Variants in AKAP6 observed in about 807,000 individuals in gnomAD.
AKAP6 encodes A-kinase anchoring protein 6.
A neutral mutation model predicts 188.5 loss-of-function variants in AKAP6; 58 were observed. The ratio of observed to expected loss-of-function variants is 0.31; its 90% CI spans 0.25 to 0.38. The LOEUF (loss-of-function observed/expected upper bound fraction) is 0.38, where lower values mean the gene tolerates loss of function less well. Ranked by LOEUF, AKAP6 falls within the 10% of genes least tolerant of loss-of-function variation. The pLI, the probability that AKAP6 is intolerant of heterozygous loss-of-function variation, is 1.00. For synonymous variants in AKAP6, 989 were observed against 998.6 expected, an observed-to-expected ratio of 0.99 and a Z score of 0.18; for missense variants, 2,710 against 2,740.0, an observed-to-expected ratio of 0.99 and a Z score of 0.24.
chr14:32,813,874 A>ATTTTT (rs71115099), intron 12 of AKAP6, among the ~76,000 whole-genome samples: 18 of 142,638 alleles, frequency 1.3e-4, no homozygotes, highest in African/African-American at 4.2e-4. Context: ...AAGTGATAGG[A>ATTTTT]TTTTTTTTTT....
chr14:32,786,296 A>ATGTTTTTTTTT, intron 12 of AKAP6, among the ~76,000 whole-genome samples: 1,372 of 93,566 alleles, frequency 0.015, 313 homozygotes, highest in Admixed American at 0.021. Context: ...CTAAACCTTT[A>ATGTTTTTTTTT]TCTTTTTTTT....
intron 11 of AKAP6, among the ~76,000 whole-genome samples, chr14:32,760,358 CA>C (rs2032495943): frequency 6.6e-6 from 1 of 152,088 alleles, no homozygotes; most frequent in Non-Finnish European, 1.5e-5. Flanking sequence ...TATTTGATCC[CA>C]GAAGATGTTA....
chr14:32,787,352 A>T (rs991193645), intron 12 of AKAP6, among the ~76,000 whole-genome samples: 4 of 152,208 alleles, frequency 2.6e-5, no homozygotes, highest in African/African-American at 9.7e-5. Flanking sequence ...AATTCTCTAG[A>T]TTGTGACCTC....
At chr14:32,654,215 C>G (rs1351385463) in intron 7 of AKAP6, among the ~76,000 whole-genome samples, 1 of 152,030 alleles carries the variant, frequency 6.6e-6, no homozygotes, top group African/African-American at 2.4e-5. Context: ...TTGCAACTGG[C>G]TGGGGGAGCT....
Position 32,824,429 on chromosome 14 carries a change from G to A in AKAP6, c.6616G>A (p.Asp2206Asn), listed in dbSNP as rs2034622859. 1 of 1,613,920 alleles carries A rather than the reference G, an allele frequency of 6.2e-7. No homozygotes were observed. The highest frequency in any genetic ancestry group is 8.5e-7 in the Non-Finnish European group (1 of 1,179,956). ...SEFSDSSLSA[D>N]DADTVALSSP... is the part of the protein sequence containing the mutation. ...GTTCAGTGATAGTTCTCTTTCAGCTGATGATGCAGATACAGTGGCTCTTTC... is the reference window on the plus strand; with the variant it reads ...GTTCAGTGATAGTTCTCTTTCAGCTAATGATGCAGATACAGTGGCTCTTTC... Residue 2206 changes from aspartate to asparagine, a missense_variant, in exon 13 of 14, where the codon GAT becomes AAT. Asp to Asn is a conservative substitution (Grantham distance 23, BLOSUM62 1). Around this residue, in one of 2 missense-constraint regions of AKAP6, gnomAD observed 2,473 missense variants for 2,426.1 expected, o/e 1.02. Coordinates refer to ENST00000280979, the MANE Select transcript of AKAP6 (RefSeq NM_004274.5).
chr14:32,422,410 C>G (rs1358644106), intron 1 of AKAP6, among the ~76,000 whole-genome samples: 4 of 152,250 alleles, frequency 2.6e-5, no homozygotes, highest in South Asian at 4.1e-4. Context: ...CAAAAGGATA[C>G]AAATAAGAGC....
At chr14:32,589,286 C>T (rs1885379072) in intron 5 of AKAP6, among the ~76,000 whole-genome samples, 1 of 152,192 alleles carries the variant, frequency 6.6e-6, no homozygotes, top group South Asian at 2.1e-4. Context: ...CCTTGATTCC[C>T]ACCAGTTTAA....
At chr14:32,732,639 C>T in intron 10 of AKAP6, 39 bp downstream of exon 10, 1 of 1,606,868 alleles carries the variant, frequency 6.2e-7, no homozygotes, top group Non-Finnish European at 8.5e-7. Flanking sequence ...GTTATGTGTA[C>T]ATTTTTTGCG....
At position 32,517,106 on chromosome 14, in the gene AKAP6, A is replaced by G. The variant is rs553505032; in HGVS notation, c.325-18448A>G. On this transcript the variant is annotated intron_variant, in intron 2 of 13. Coordinates refer to ENST00000280979, the MANE Select transcript of AKAP6 (RefSeq NM_004274.5). Reference sequence around the variant, plus strand: ...GTATGCAATGATATCAAGTAAGACGACCAGTTGGTTACCTTCTGAATATGA... The same window carrying G: ...GTATGCAATGATATCAAGTAAGACGGCCAGTTGGTTACCTTCTGAATATGA... Among the ~76,000 whole-genome samples the G allele has an allele frequency of 6.6e-5, 10 of 152,346 alleles. No homozygotes were observed. The South Asian group carries it at 1.9e-3, about 28-fold the overall frequency.
intron 4 of AKAP6, among the ~76,000 whole-genome samples, chr14:32,574,941 C>T (rs1884653281): frequency 6.6e-6 from 1 of 152,104 alleles, no homozygotes; most frequent in Non-Finnish European, 1.5e-5. Context: ...TTCTAACAGA[C>T]TCTGCCCTTA....
At chr14:32,540,498 C>T (rs1211823493) in intron 3 of AKAP6, among the ~76,000 whole-genome samples, 1 of 152,056 alleles carries the variant, frequency 6.6e-6, no homozygotes, top group Non-Finnish European at 1.5e-5. Flanking sequence ...TGCGCCTGGC[C>T]TGCTTCATAA....
intron 4 of AKAP6, among the ~76,000 whole-genome samples, chr14:32,561,362 G>A (rs1231199865): frequency 6.6e-6 from 1 of 152,140 alleles, no homozygotes; most frequent in Non-Finnish European, 1.5e-5. Flanking sequence ...CCTTGGAAAT[G>A]TAACCTCGCA....
In AKAP6 at chr14:32,441,180, A is replaced by ATGAC. The variant is rs563168618; in HGVS notation, c.324+7370_324+7373dup. Reference sequence around the variant, plus strand: ...AAGGTGTTTTGTTATAGTAGTCTGAATGACTGACTGTACATTTTCCTTAGG... The same window carrying ATGAC: ...AAGGTGTTTTGTTATAGTAGTCTGAATGACTGACTGACTGTACATTTTCCTTAGG... On this transcript the variant is annotated intron_variant, in intron 2 of 13. Transcript: ENST00000280979. Among the ~76,000 whole-genome samples the ATGAC allele has an allele frequency of 9.5e-4, 145 of 152,328 alleles. 1 individual carries two copies. The highest frequency in any genetic ancestry group is 6.8e-3 in the Middle Eastern group (2 of 294).
intron 5 of AKAP6, among the ~76,000 whole-genome samples, chr14:32,591,157 C>T (rs1246249019): frequency 3.3e-5 from 5 of 152,156 alleles, no homozygotes; most frequent in Admixed American, 2.0e-4. Flanking sequence ...TCAATTATTC[C>T]ACCTCAGGGG....
intron 7 of AKAP6, among the ~76,000 whole-genome samples, chr14:32,664,985 A>G (rs1888859272): frequency 6.6e-6 from 1 of 152,186 alleles, no homozygotes; most frequent in Admixed American, 6.5e-5. Flanking sequence ...TTAAGTGAAG[A>G]ATATTGAAAT....
chr14:32,623,724 A>C (rs1208804962), intron 7 of AKAP6, among the ~76,000 whole-genome samples: 2 of 152,178 alleles, frequency 1.3e-5, no homozygotes, highest in Admixed American at 1.3e-4. Flanking sequence ...AAATTTTTCT[A>C]GGTAGCTTTA....
Position 32,821,968 on chromosome 14 carries a change from A to C in AKAP6, c.4155A>C (p.Ala1385=), listed in dbSNP as rs1466223633. ...ACTCTGAAATGTGCTTGCTCAATGCAGTGGATGGGTCCCCAAGTAACCTTG... is the reference window on the plus strand; with the variant it reads ...ACTCTGAAATGTGCTTGCTCAATGCCGTGGATGGGTCCCCAAGTAACCTTG... ...TTNSEMCLLN[A]VDGSPSNLET... is the part of the protein sequence containing the mutation. The change falls in exon 13 of 14, where the codon GCA becomes GCC. Residue 1385 remains alanine (A), a synonymous_variant. Coordinates refer to ENST00000280979, the MANE Select transcript of AKAP6 (RefSeq NM_004274.5). 2 of 1,614,004 alleles carry C rather than the reference A, an allele frequency of 1.2e-6. No homozygotes were observed. The highest frequency in any genetic ancestry group is 1.7e-5 in the Admixed American group (1 of 59,958).
intron 1 of AKAP6, among the ~76,000 whole-genome samples, chr14:32,365,690 CT>C (rs1332636309): frequency 1.3e-5 from 2 of 152,146 alleles, no homozygotes; most frequent in Non-Finnish European, 2.9e-5. Flanking sequence ...CCTGGTCAAT[CT>C]TTTTCCTGTT....
chr14:32,522,323 C>A (rs1274585033), intron 2 of AKAP6, among the ~76,000 whole-genome samples: 2 of 152,158 alleles, frequency 1.3e-5, no homozygotes, highest in African/African-American at 4.8e-5. Flanking sequence ...GCAACAAAAG[C>A]CAAAATTGAC....
Sources: allele counts gnomAD v4.1 joint callset (sites outside exome capture counted in the v4.1 genomes callset), GRCh38; gene constraint gnomAD v4.1.1; regional missense constraint gnomAD v4.1.1; transcripts MANE v1.5; gene names NCBI Gene and HGNC (gene_info 2026-07-23, HGNC 2026-07-21).